Variants in EHBP1 observed in about 807,000 individuals in gnomAD.
EHBP1 encodes EH domain binding protein 1, also known as EH domain-binding protein 1.
In EHBP1, 55 loss-of-function variants were observed where a neutral mutation model predicts 144.0. The ratio of observed to expected loss-of-function variants is 0.38; its 90% CI spans 0.31 to 0.48. EHBP1 has a LOEUF of 0.48. EHBP1 is among the 20% of genes least tolerant of loss of function. The pLI, the probability that EHBP1 is intolerant of heterozygous loss-of-function variation, is 0.98. For missense variants in EHBP1, 1,200 were observed against 1,364.2 expected (o/e 0.88, Z 1.90); for synonymous variants, 469 against 472.7 (o/e 0.99, Z 0.10).
chr2:62,693,614 C>A (rs1367439359), intron 1 of EHBP1, among the ~76,000 whole-genome samples: 1 of 152,130 alleles, frequency 6.6e-6, no homozygotes, highest in Non-Finnish European at 1.5e-5. Flanking sequence ...TTTATCATTT[C>A]TTTGTGTTGG....
At chr2:62,855,668 C>T (rs901661267) in intron 7 of EHBP1, among the ~76,000 whole-genome samples, 10 of 152,200 alleles carry the variant, frequency 6.6e-5, no homozygotes, top group Non-Finnish European at 1.3e-4. Flanking sequence ...TCAGGACAAT[C>T]AGCTGCAGAG....
At chr2:62,718,448 A>G (rs755678616) in intron 2 of EHBP1, among the ~76,000 whole-genome samples, 12 of 152,222 alleles carry the variant, frequency 7.9e-5, no homozygotes, top group Non-Finnish European at 1.6e-4. Flanking sequence ...AATATGGAAC[A>G]TGTTCATCAC....
intron 2 of EHBP1, among the ~76,000 whole-genome samples, chr2:62,714,608 A>G (rs1421015218): frequency 5.3e-5 from 8 of 152,228 alleles, no homozygotes; most frequent in African/African-American, 1.9e-4. Context: ...AATACCTGTA[A>G]TAAAGGGGTT....
At chr2:62,989,241 C>T (rs1057318491) in intron 15 of EHBP1, among the ~76,000 whole-genome samples, 4 of 152,038 alleles carry the variant, frequency 2.6e-5, no homozygotes, top group Admixed American at 2.6e-4. Context: ...CTCACCTTCC[C>T]ACCATAACCA....
At chr2:62,697,322 A>T (rs1325250628) in intron 1 of EHBP1, among the ~76,000 whole-genome samples, 2 of 152,242 alleles carry the variant, frequency 1.3e-5, no homozygotes, top group Non-Finnish European at 2.9e-5. Context: ...CTCCAGTGCA[A>T]ATATAGATTA....
chr2:62,905,684 C>T (rs1259026714), intron 10 of EHBP1, among the ~76,000 whole-genome samples: 2 of 151,700 alleles, frequency 1.3e-5, no homozygotes, highest in African/African-American at 4.8e-5. Context: ...ATTAGCCAGG[C>T]GTGGTGACAC....
At chr2:62,681,473 A>C (rs1214604438) in intron 1 of EHBP1, among the ~76,000 whole-genome samples, 1 of 150,714 alleles carries the variant, frequency 6.6e-6, no homozygotes, top group Admixed American at 6.6e-5. Flanking sequence ...GCAGTGGTCT[A>C]AGTTAAACTG....
At position 62,674,759 on chromosome 2, in the gene EHBP1, A is replaced by G. The variant is rs552705092; in HGVS notation, c.-296+676A>G. ...TTATCAGAGAATTTTTTGAGAAAAAAGCAGGAAGGGCTGGAGTATATGAGT... is the reference window on the plus strand; with the variant it reads ...TTATCAGAGAATTTTTTGAGAAAAAGGCAGGAAGGGCTGGAGTATATGAGT... On this transcript the variant is annotated intron_variant, in intron 1 of 22. Transcript: ENST00000405015. Among the ~76,000 whole-genome samples the G allele has an allele frequency of 5.3e-5, 8 of 152,336 alleles. No homozygotes were observed. The South Asian group carries it at 1.7e-3, about 32-fold the overall frequency.
intron 10 of EHBP1, among the ~76,000 whole-genome samples, chr2:62,906,445 A>G (rs2053818598): frequency 6.6e-6 from 1 of 152,142 alleles, no homozygotes; most frequent in Non-Finnish European, 1.5e-5. Context: ...TTGCATTTCC[A>G]TATGAACTTT....
intron 2 of EHBP1, among the ~76,000 whole-genome samples, chr2:62,718,513 A>C (rs2035905736): frequency 6.6e-6 from 1 of 152,204 alleles, no homozygotes; most frequent in South Asian, 2.1e-4. Flanking sequence ...CAAACTGACT[A>C]TCTTTAGAAT....
In EHBP1 at chr2:62,775,337, A is replaced by G. The variant is rs2041983006; in HGVS notation, c.312+3945A>G. Among the ~76,000 whole-genome samples, 3 of 152,194 alleles carry G rather than the reference A, an allele frequency of 2.0e-5. 1 individual carries two copies. Among genetic ancestry groups the G allele is most frequent in the Non-Finnish European group, 2.9e-5 (2 of 68,022 alleles). ...GTTACAATGTTATACTTTCCCTTAC[A>G]TTTTAATGTGCTTTCACATTTCATG... On this transcript the variant is annotated intron_variant, in intron 5 of 22. Transcript: ENST00000431489.
intron 19 of EHBP1, among the ~76,000 whole-genome samples, chr2:63,032,263 A>G (rs1047937250): frequency 6.9e-6 from 1 of 145,106 alleles, no homozygotes; most frequent in Admixed American, 6.9e-5. Context: ...AAATGATTTA[A>G]AAAAAAAAAA....
chr2:62,915,961 A>G (rs2054583071), intron 10 of EHBP1, among the ~76,000 whole-genome samples: 1 of 152,214 alleles, frequency 6.6e-6, no homozygotes, highest in Non-Finnish European at 1.5e-5. Context: ...TTGGATAATA[A>G]CATAGAACTT....
intron 7 of EHBP1, among the ~76,000 whole-genome samples, chr2:62,833,898 G>A (rs770213144): frequency 6.6e-6 from 1 of 152,196 alleles, no homozygotes. Flanking sequence ...TTCATGGGAG[G>A]AGGTCAAAAT....
intron 1 of EHBP1, among the ~76,000 whole-genome samples, chr2:62,679,563 AG>A (rs1474399229): frequency 1.3e-5 from 2 of 152,162 alleles, no homozygotes; most frequent in Admixed American, 6.6e-5. Flanking sequence ...TCTTGTTCTA[AG>A]GTCCTAGTAG....
chr2:62,819,686 C>T (rs895039248), intron 5 of EHBP1, among the ~76,000 whole-genome samples: 1 of 151,866 alleles, frequency 6.6e-6, no homozygotes, highest in African/African-American at 2.4e-5. Context: ...ATTGCTTGAA[C>T]CCAGGAGGTG....
chr2:62,843,011 C>A (rs907265911), intron 7 of EHBP1, among the ~76,000 whole-genome samples: 1 of 152,012 alleles, frequency 6.6e-6, no homozygotes, highest in African/African-American at 2.4e-5. Context: ...TATACTATTC[C>A]TTATTTTCTA....
chr2:62,804,531 G>A lies in EHBP1; in HGVS notation c.313-21556G>A, dbSNP rs911466078. Among the ~76,000 whole-genome samples the A allele has an allele frequency of 3.3e-5, 5 of 152,304 alleles. No homozygotes were observed. In the East Asian group the frequency reaches 9.6e-4, roughly 29 times the overall value. On this transcript the variant is annotated intron_variant, in intron 5 of 22. Coordinates refer to ENST00000431489, the MANE Select transcript of EHBP1 (RefSeq NM_001142616.3). ...TAAATCGGTGGGTAAAGAAAAAACAGTGGAGAAGAAATCACAAAGGAAAAT... is the reference window on the plus strand; with the variant it reads ...TAAATCGGTGGGTAAAGAAAAAACAATGGAGAAGAAATCACAAAGGAAAAT...
At chr2:62,892,916 G>A (rs2052581491) in intron 10 of EHBP1, among the ~76,000 whole-genome samples, 1 of 152,028 alleles carries the variant, frequency 6.6e-6, no homozygotes, top group African/African-American at 2.4e-5. Context: ...GTAATTACTA[G>A]TATTCCTTTT....
Sources: gnomAD v4.1 joint callset for allele counts (sites outside exome capture counted in the v4.1 genomes callset) on GRCh38, gnomAD v4.1.1 for gene constraint, MANE v1.5 for transcripts, NCBI Gene and HGNC (gene_info 2026-07-23, HGNC 2026-07-21) for gene names.